CTC1: variants seen among roughly 807,000 people sequenced by gnomAD.
CTC1 encodes the protein CST complex subunit CTC1.
A neutral mutation model predicts 136.3 loss-of-function variants in CTC1; 91 were observed. The ratio of observed to expected loss-of-function variants is 0.67; its 90% CI spans 0.56 to 0.79. The LOEUF is 0.79. Among genes scored for constraint, CTC1 ranks in the 30% least tolerant of loss-of-function variants. The pLI, the probability that CTC1 is intolerant of heterozygous loss-of-function variation, is 0.00. For missense variants in CTC1, 1,432 were observed against 1,498.1 expected, an observed-to-expected ratio of 0.96 and a Z score of 0.73; for synonymous variants, 606 against 613.8, an observed-to-expected ratio of 0.99 and a Z score of 0.19.
chr17:8,236,437 T>C (rs1987736306), intron 5 of CTC1, 95 bp from the exon 6 acceptor site: 4 of 1,320,082 alleles, frequency 3.0e-6, no homozygotes, highest in Non-Finnish European at 4.1e-6. Context: ...CTCAGAGACC[T>C]GCCCTCTGTG....
In CTC1 at chr17:8,243,140, G is replaced by A; in HGVS notation, c.42C>T (p.Ala14=). The A allele has an allele frequency of 6.2e-7, 1 of 1,612,662 alleles. No homozygotes were observed. ...TGAAGACCTGAGCATCCTCAAGCCA[G>A]GCTTGTTCCTGAGGAAAGTGAATTT... The part of the protein sequence containing the change: ...GRAQVPSSEQ[A]WLEDAQVFIQ... The change falls in exon 2 of 23, where the codon GCC becomes GCT. Residue 14 remains alanine (A), a synonymous_variant. Transcript: ENST00000651323.
At chr17:8,234,711 C>T in intron 9 of CTC1, 38 bp downstream of exon 9, 1 of 1,582,506 alleles carries the variant, frequency 6.3e-7, no homozygotes, top group East Asian at 2.2e-5. Context: ...AGGTGTCCTC[C>T]AGTGTTCTGC....
Position 8,234,465 on chromosome 17 carries a change from C to A in CTC1, c.1808G>T (p.Cys603Phe). ...SWLCLLPSAF[C>F]PAQVLLGVLV... ...TAGGGTCCCCCTTACCTGGGCTGGG[C>A]AGAAGGCAGAGGGCAGCAGACAGAG... The change falls in exon 10 of 23, where the codon TGC becomes TTC. Residue 603 changes from cysteine (C) to phenylalanine (F), a missense_variant. Physicochemically the swap from Cys to Phe is radical, Grantham distance 205. Coordinates refer to ENST00000651323, the MANE Select transcript of CTC1 (RefSeq NM_025099.6). 6.4e-7 allele frequency: 1 copy of A among 1,552,052 alleles called. No individual in the cohort carries two copies. Among genetic ancestry groups the A allele is most frequent in the Non-Finnish European group, 8.7e-7 (1 of 1,147,110 alleles).
Position 8,231,571 on chromosome 17 carries a change from AAGG to A in CTC1, c.2476-105_2476-103del. 3 of 1,285,304 alleles carry A rather than the reference AAGG, an allele frequency of 2.3e-6. No homozygotes were observed. In the South Asian group the frequency reaches 4.1e-5, roughly 17 times the overall value. 79.6% of individuals were successfully genotyped at this position (1,285,304 alleles called of 1,614,324 possible). A position where few individuals can be genotyped will look rare whatever the true frequency, so the allele number is the denominator to read the frequency against. The stretch of plus-strand genomic sequence containing the variant: ...ATTTTGTTCTTTCTGGAGCATGGAG[AAGG>A]AAGTGTGTCAACACACACAGGCTTT... On this transcript the variant is annotated intron_variant, in intron 14 of 22. Transcript: ENST00000651323.
At chr17:8,231,630 G>A (rs918943155) in intron 14 of CTC1, 96 bp downstream of exon 14, 7 of 1,278,170 alleles carry the variant, frequency 5.5e-6, no homozygotes, top group African/African-American at 1.5e-5. Flanking sequence ...CTTCTTCCAG[G>A]AGGCCTAGAG....
At chr17:8,239,403 AG>A (rs778673185) in intron 2 of CTC1, among the ~76,000 whole-genome samples, 3 of 152,124 alleles carry the variant, frequency 2.0e-5, no homozygotes, top group Non-Finnish European at 4.4e-5. Flanking sequence ...ACTAGAGACT[AG>A]GGGGGAAGCT....
intron 2 of CTC1, 24 bp downstream of exon 2, chr17:8,242,961 C>T (rs1190326456): frequency 5.0e-6 from 8 of 1,591,606 alleles, no homozygotes; most frequent in Non-Finnish European, 6.0e-6. Flanking sequence ...CTGCCCAGCC[C>T]CCGCAACCGC....
chr17:8,237,907 T>G, intron 4 of CTC1, 124 bp downstream of exon 4: 1 of 762,130 alleles, frequency 1.3e-6, no homozygotes, highest in Non-Finnish European at 2.1e-6. Flanking sequence ...AAGCCCACCA[T>G]TCCCTTGATT....
chr17:8,232,312 C>T, intron 12 of CTC1, 49 bp downstream of exon 12: 1 of 1,586,384 alleles, frequency 6.3e-7, no homozygotes. Context: ...TTCCACCAGG[C>T]CCTTCCTTCC....
Position 8,230,323 on chromosome 17 carries a change from G to A in CTC1, c.2904C>T (p.His968=). 6.2e-7 allele frequency: 1 copy of A among 1,613,536 alleles called. No individual in the cohort carries two copies. ...SLGLLPGARV[H]FSQLEKRVSR... ...AAACCCTTTTCTCCAACTGGCTGAA[G>A]TGGACCCGGGCTCCTGGAAGTAGTC... The change falls in exon 17 of 23, where the codon CAC becomes CAT. Residue 968 remains histidine (H), a synonymous_variant. Transcript: ENST00000651323.
At chr17:8,233,242 C>A in intron 10 of CTC1, 3 of 556,624 alleles carry the variant, frequency 5.4e-6, no homozygotes, top group Non-Finnish European at 9.6e-6. Flanking sequence ...AGAAAGCGCA[C>A]AAATAGAGGT....
chr17:8,229,186 G>A lies in CTC1; in HGVS notation c.3177C>T (p.Gly1059=). Residue 1059 remains glycine (G), a synonymous_variant, in exon 20 of 23, where the codon GGC becomes GGT. Coordinates refer to ENST00000651323, the MANE Select transcript of CTC1 (RefSeq NM_025099.6). The part of the protein sequence containing the change: ...ICRQGKCTRL[G]STCPTQTAIS... ...TAGCTGTCTGCGTAGGGCAAGTGGAGCCCAGGCGAGTGCACTTTCCCTGGG... is the reference window on the plus strand; with the variant it reads ...TAGCTGTCTGCGTAGGGCAAGTGGAACCCAGGCGAGTGCACTTTCCCTGGG... 2 of 1,614,212 alleles carry A rather than the reference G, an allele frequency of 1.2e-6. No homozygotes were observed. Among genetic ancestry groups the A allele is most frequent in the South Asian group, 2.2e-5 (2 of 91,082 alleles).
rs542021510 is a variant in CTC1 at position 8,226,925 on chromosome 17, G to C, written c.*1255C>G. ...TGTTACCAGAAGGCAACTGGCTCCG[G>C]GTAGAAACTTCCGGATAACAGCAGA... On this transcript the variant is annotated 3_prime_UTR_variant, in exon 23 of 23. Coordinates refer to ENST00000651323, the MANE Select transcript of CTC1 (RefSeq NM_025099.6). 6.6e-6 allele frequency: 1 copy of C among 152,236 alleles called. No individual in the cohort carries two copies. The highest frequency in any genetic ancestry group is 2.1e-4 in the South Asian group (1 of 4,834). 9.4% of individuals were successfully genotyped at this position (152,236 alleles called of 1,614,324 possible).
rs753279593 is a variant in CTC1, at chr17:8,235,096, G to C, written c.1396C>G (p.Leu466Val). The change falls in exon 8 of 23, where the codon CTC becomes GTC. Residue 466 changes from leucine to valine, a missense_variant. Leu to Val is a conservative substitution (Grantham distance 32, BLOSUM62 1). Transcript: ENST00000651323. The stretch of plus-strand genomic sequence containing the variant: ...AGGGCCTTGGTAGCCCACAGGTAGA[G>C]GGGAAGTCCTAACTGACGTTCCCAC... ...LVWERQLGLP[L>V]YLWATKALEE... The C allele has an allele frequency of 6.2e-6, 10 of 1,614,052 alleles. No individual in the cohort carries two copies. Among genetic ancestry groups the C allele is most frequent in the Admixed American group, 5.0e-5 (3 of 60,004 alleles).
At position 8,232,895 on chromosome 17, in the gene CTC1, GA is replaced by G. The variant is rs754884300; in HGVS notation, c.1945+10del. On this transcript the variant is annotated intron_variant, in intron 11 of 22. Coordinates refer to ENST00000651323, the MANE Select transcript of CTC1 (RefSeq NM_025099.6). The stretch of plus-strand genomic sequence containing the variant: ...CCACTACCATCTTCTTTCCACATCT[GA>G]ACTCCAAACCTATCAGCCGTGGGTC... 9 of 1,613,238 alleles carry G rather than the reference GA, an allele frequency of 5.6e-6. No individual in the cohort carries two copies. The highest frequency in any genetic ancestry group is 1.6e-4 in the Middle Eastern group (1 of 6,078).
chr17:8,243,810 G>A (rs1034112836), intron 1 of CTC1, among the ~76,000 whole-genome samples: 15 of 152,178 alleles, frequency 9.9e-5, no homozygotes, highest in African/African-American at 3.6e-4. Flanking sequence ...AGTGGCTCAC[G>A]CTTGTAATCC....
intron 1 of CTC1, 47 bp from the exon 2 acceptor site, chr17:8,243,195 C>A: frequency 1.3e-6 from 2 of 1,564,302 alleles, no homozygotes; most frequent in South Asian, 1.2e-5. Flanking sequence ...TCCGGCCCAC[C>A]AAGGAAACTT....
rs2151498469 is a variant in CTC1 at position 8,228,718 on chromosome 17, A to G, written c.3387+9T>C. ...GTATCCGAGTCCCTCCCTCCCAGCC[A>G]CATTACACCTCAAGTTGGGCTCCAG... On this transcript the variant is annotated intron_variant, in intron 21 of 22. Coordinates refer to ENST00000651323, the MANE Select transcript of CTC1 (RefSeq NM_025099.6). The G allele has an allele frequency of 6.2e-7, 1 of 1,614,046 alleles. No homozygotes were observed. Among genetic ancestry groups the G allele is most frequent in the Non-Finnish European group, 8.5e-7 (1 of 1,179,968 alleles).
At chr17:8,228,439 G>A in intron 22 of CTC1, 64 bp downstream of exon 22, 3 of 1,612,042 alleles carry the variant, frequency 1.9e-6, no homozygotes, top group Non-Finnish European at 2.5e-6. Flanking sequence ...TTCCTCCCAG[G>A]GACCCATCTA....
Sources: allele counts gnomAD v4.1 joint callset (sites outside exome capture counted in the v4.1 genomes callset), GRCh38; gene constraint gnomAD v4.1.1; transcripts MANE v1.5; gene names NCBI Gene and HGNC (gene_info 2026-07-23, HGNC 2026-07-21).